CAMTA1: variants seen among roughly 807,000 people sequenced by gnomAD.
CAMTA1 encodes the protein calmodulin-binding transcription activator 1.
In CAMTA1, 27 loss-of-function variants were observed where a neutral mutation model predicts 170.9. The observed-to-expected ratio is 0.16, with a 90% CI of 0.12 to 0.22. The LOEUF is 0.22. CAMTA1 is among the 10% of genes least tolerant of loss of function. CAMTA1 has a pLI of 1.00. For missense variants in CAMTA1, 1,619 were observed against 2,217.2 expected (o/e 0.73, Z 5.42); for synonymous variants, 833 against 891.5 (o/e 0.93, Z 1.17).
At chr1:7,257,667 G>A (rs6661189) in intron 5 of CAMTA1, among the ~76,000 whole-genome samples, 81 of 152,212 alleles carry the variant, frequency 5.3e-4, no homozygotes, top group African/African-American at 1.8e-3. Flanking sequence ...CACACACAAG[G>A]GAGAATATTG....
intron 11 of CAMTA1, among the ~76,000 whole-genome samples, chr1:7,714,849 G>A (rs767396540): frequency 3.9e-5 from 6 of 152,124 alleles, no homozygotes; most frequent in African/African-American, 7.2e-5. Context: ...TAGGACCTAT[G>A]GGAGAAATTT....
At chr1:7,417,081 T>C (rs902734318) in intron 5 of CAMTA1, among the ~76,000 whole-genome samples, 15 of 151,358 alleles carry the variant, frequency 9.9e-5, no homozygotes, top group Non-Finnish European at 2.1e-4. Flanking sequence ...GCGGTGGCTG[T>C]AGAACAGCAG....
At chr1:7,670,115 G>C (rs752800314) in intron 9 of CAMTA1, among the ~76,000 whole-genome samples, 1 of 152,198 alleles carries the variant, frequency 6.6e-6, no homozygotes, top group Non-Finnish European at 1.5e-5. Context: ...AAGGTCATTC[G>C]AGGCTGCTCC....
chr1:7,303,467 A>G (rs968477870), intron 5 of CAMTA1, among the ~76,000 whole-genome samples: 2 of 152,228 alleles, frequency 1.3e-5, no homozygotes, highest in African/African-American at 4.8e-5. Flanking sequence ...GTTTTTAGCC[A>G]CAACTATATA....
At chr1:7,084,118 T>C (rs1640401515) in intron 3 of CAMTA1, among the ~76,000 whole-genome samples, 1 of 152,112 alleles carries the variant, frequency 6.6e-6, no homozygotes, top group Non-Finnish European at 1.5e-5. Flanking sequence ...GTATAGACTA[T>C]AGAGAGATTT....
chr1:7,543,298 T>C (rs1468687419), intron 6 of CAMTA1, among the ~76,000 whole-genome samples: 1 of 152,242 alleles, frequency 6.6e-6, no homozygotes, highest in Non-Finnish European at 1.5e-5. Context: ...AACATCCTTA[T>C]AAATAAATTT....
intron 3 of CAMTA1, among the ~76,000 whole-genome samples, chr1:6,990,651 G>T (rs981385467): frequency 3.9e-5 from 6 of 151,962 alleles, no homozygotes; most frequent in African/African-American, 1.5e-4. Flanking sequence ...ATCCCAAAAG[G>T]GTTCCTCTGG....
chr1:7,503,755 G>A (rs1344031946), intron 6 of CAMTA1, among the ~76,000 whole-genome samples: 1 of 152,188 alleles, frequency 6.6e-6, no homozygotes, highest in Non-Finnish European at 1.5e-5. Flanking sequence ...GGTGGGGGGA[G>A]CCTCCTGTTT....
chr1:7,147,450 A>G (rs1393938414), intron 4 of CAMTA1, among the ~76,000 whole-genome samples: 3 of 151,308 alleles, frequency 2.0e-5, no homozygotes, highest in African/African-American at 7.3e-5. Context: ...CACCCCAAAT[A>G]TACATCATGC....
chr1:7,615,400 T>C (rs2095552600), intron 6 of CAMTA1, among the ~76,000 whole-genome samples: 1 of 152,256 alleles, frequency 6.6e-6, no homozygotes, highest in Non-Finnish European at 1.5e-5. Flanking sequence ...GCTCGGGCTT[T>C]GGAGCAGGCT....
chr1:7,555,393 T>C (rs1241879848), intron 6 of CAMTA1, among the ~76,000 whole-genome samples: 1 of 152,040 alleles, frequency 6.6e-6, no homozygotes, highest in African/African-American at 2.4e-5. Flanking sequence ...TCATGCTCCC[T>C]CCATGGGTCC....
In CAMTA1 at chr1:7,673,204, A is replaced by G. The variant is rs1352520140; in HGVS notation, c.2779+2167A>G. ...CTCAGTTATCTGACCCCTCTACAGA[A>G]AAAGAAAGGCTGGGCTTTGTGTGGC... On this transcript the variant is annotated intron_variant, in intron 10 of 22. Transcript: ENST00000303635. This position sits in a 1 kb window ranked among gnomAD's most constrained non-coding sequence, Gnocchi z 4.6. Among the ~76,000 whole-genome samples, 2 of 152,208 alleles carry G rather than the reference A, an allele frequency of 1.3e-5. No individual in the cohort carries two copies. The highest frequency in any genetic ancestry group is 4.8e-5 in the African/African-American group (2 of 41,448).
At chr1:7,679,507 C>T (rs564237659) in intron 11 of CAMTA1, among the ~76,000 whole-genome samples, 8 of 152,064 alleles carry the variant, frequency 5.3e-5, no homozygotes, top group Non-Finnish European at 1.0e-4. Context: ...AGACACACCC[C>T]GGGACCTCGG....
At chr1:7,650,926 C>T (rs186832140) in intron 7 of CAMTA1, among the ~76,000 whole-genome samples, 150 of 152,296 alleles carry the variant, frequency 9.8e-4, no homozygotes, top group Admixed American at 2.0e-3. Flanking sequence ...ACCCGGCTGC[C>T]ATTTCCCATT....
intron 11 of CAMTA1, among the ~76,000 whole-genome samples, chr1:7,692,795 C>T (rs2096332597): frequency 6.6e-6 from 1 of 152,196 alleles, no homozygotes; most frequent in Non-Finnish European, 1.5e-5. Context: ...CGTCCACCCA[C>T]CTGTCATTCA....
At chr1:7,278,135 C>T (rs1468946406) in intron 5 of CAMTA1, among the ~76,000 whole-genome samples, 1 of 152,226 alleles carries the variant, frequency 6.6e-6, no homozygotes, top group Non-Finnish European at 1.5e-5. Flanking sequence ...CATATGGCTA[C>T]ATCATCCTTC....
At chr1:7,197,870 A>G (rs533867738) in intron 4 of CAMTA1, among the ~76,000 whole-genome samples, 4 of 152,070 alleles carry the variant, frequency 2.6e-5, no homozygotes, top group South Asian at 2.1e-4. Flanking sequence ...GAACATTCCA[A>G]TCAACAGCAG....
chr1:7,453,795 G>A (rs1274143205), intron 5 of CAMTA1, among the ~76,000 whole-genome samples: 2 of 152,236 alleles, frequency 1.3e-5, no homozygotes, highest in African/African-American at 2.4e-5. Flanking sequence ...CCCCCCTGAG[G>A]GAGGGAAGGA....
chr1:7,043,867 T>G (rs1558015638), intron 3 of CAMTA1, among the ~76,000 whole-genome samples: 1 of 152,140 alleles, frequency 6.6e-6, no homozygotes, highest in East Asian at 1.9e-4. Context: ...CAGCTCTAAA[T>G]CCCCGAGTTG....
Sources: gnomAD v4.1 joint callset for allele counts (sites outside exome capture counted in the v4.1 genomes callset) on GRCh38, gnomAD v4.1.1 for gene constraint, Gnocchi (gnomAD v3.1) non-coding constraint, MANE v1.5 for transcripts, NCBI Gene and HGNC (gene_info 2026-07-23, HGNC 2026-07-21) for gene names.